GALNT9: variants seen among roughly 807,000 people sequenced by gnomAD.
GALNT9 encodes GalNAc transferase 9.
A neutral mutation model predicts 63.1 loss-of-function variants in GALNT9; 47 were observed. The ratio of observed to expected loss-of-function variants is 0.75; its 90% CI spans 0.59 to 0.95. GALNT9 has a LOEUF of 0.95. Among genes scored for constraint, GALNT9 ranks in the 40% least tolerant of loss-of-function variants. The probability of loss-of-function intolerance (pLI) is 0.00; values close to 1 mark genes in which losing one functional copy is unlikely to be tolerated. For missense variants in GALNT9, 829 were observed against 874.8 expected (o/e 0.95, Z 0.66); for synonymous variants, 396 against 365.7 (o/e 1.08, Z -0.94).
rs947066968 is a variant in GALNT9 at position 132,228,336 on chromosome 12, G to A, written c.1077+19574C>T. Among the ~76,000 whole-genome samples, 6 of 148,534 alleles carry A rather than the reference G, an allele frequency of 4.0e-5. No homozygotes were observed. In the East Asian group the frequency reaches 7.8e-4, roughly 19 times the overall value. On this transcript the variant is annotated intron_variant, in intron 6 of 10. Coordinates refer to ENST00000328957, the MANE Select transcript of GALNT9 (RefSeq NM_001122636.2). ...TTTCCCTGAGTGTGGGTGGCGGGGC[G>A]GCCCGTCAGCACCTCCTCGCTCCCT...
rs942130783 is a variant in GALNT9 at position 132,327,571 on chromosome 12, G to A, written c.238+1395C>T. On this transcript the variant is annotated intron_variant, in intron 1 of 10. Transcript: ENST00000328957. The surrounding 1 kb of genome is among the most constrained non-coding windows in gnomAD (Gnocchi z 4.3). ...TTCAATAGAGCCATGTGCTATTGCC[G>A]GGCACACCGCCTTCCGGGAGATGAA... 3.8e-4 allele frequency among the ~76,000 whole-genome samples: 58 copies of A among 152,144 alleles called. No homozygotes were observed. Among genetic ancestry groups the A allele is most frequent in the African/African-American group, 1.4e-3 (56 of 41,434 alleles).
chr12:132,199,529 G>T (rs911647224), intron 8 of GALNT9, among the ~76,000 whole-genome samples: 1 of 152,116 alleles, frequency 6.6e-6, no homozygotes, highest in Non-Finnish European at 1.5e-5. Context: ...GAGCAGCAGG[G>T]ACGACGGCCC....
chr12:132,225,069 C>CA (rs1877599107), intron 6 of GALNT9, among the ~76,000 whole-genome samples: 1 of 126,370 alleles, frequency 7.9e-6, no homozygotes, highest in Non-Finnish European at 1.7e-5. Flanking sequence ...CACCACCCCC[C>CA]CACACACAAC....
intron 6 of GALNT9, among the ~76,000 whole-genome samples, chr12:132,204,788 G>A (rs907172336): frequency 5.3e-5 from 8 of 152,058 alleles, no homozygotes; most frequent in Non-Finnish European, 1.2e-4. Flanking sequence ...AAAAAAGGCC[G>A]ATGCCACCCA....
intron 1 of GALNT9, among the ~76,000 whole-genome samples, chr12:132,287,400 C>T (rs1179774445): frequency 6.6e-6 from 1 of 152,214 alleles, no homozygotes; most frequent in Non-Finnish European, 1.5e-5. Flanking sequence ...ATGCCGCCGC[C>T]ACCATCCCCA....
In GALNT9 at chr12:132,316,191, G is replaced by T. The variant is rs1169498094; in HGVS notation, c.238+12775C>A. Among the ~76,000 whole-genome samples the T allele has an allele frequency of 1.3e-5, 2 of 152,188 alleles. No homozygotes were observed. The highest frequency in any genetic ancestry group is 4.8e-5 in the African/African-American group (2 of 41,528). The stretch of plus-strand genomic sequence containing the variant: ...GACCCCAGCGTCCCAGTCCAGGCTC[G>T]GCTCTCCAGCAGAGGCATGAAGCTG... On this transcript the variant is annotated intron_variant, in intron 1 of 10. Coordinates refer to ENST00000328957, the MANE Select transcript of GALNT9 (RefSeq NM_001122636.2). The surrounding 1 kb of genome is among the most constrained non-coding windows in gnomAD (Gnocchi z 4.3).
rs550311318 is a variant in GALNT9 at position 132,316,367 on chromosome 12, T to G, written c.238+12599A>C. On this transcript the variant is annotated intron_variant, in intron 1 of 10. Coordinates refer to ENST00000328957, the MANE Select transcript of GALNT9 (RefSeq NM_001122636.2). This position sits in a 1 kb window ranked among gnomAD's most constrained non-coding sequence, Gnocchi z 4.3. ...CCCCTATTCTGGGAGGAAACAGAGA[T>G]CCCCTATAACCGAGCATATACTTCC... Among the ~76,000 whole-genome samples the G allele has an allele frequency of 1.3e-5, 2 of 152,118 alleles. No homozygotes were observed. The highest frequency in any genetic ancestry group is 4.2e-4 in the South Asian group (2 of 4,818).
At chr12:132,206,487 AAAT>A (rs1684418690) in intron 6 of GALNT9, among the ~76,000 whole-genome samples, 1 of 152,136 alleles carries the variant, frequency 6.6e-6, no homozygotes, top group African/African-American at 2.4e-5. Context: ...TGTCTACTAA[AAAT>A]ACAAAAATTA....
intron 1 of GALNT9, among the ~76,000 whole-genome samples, chr12:132,302,121 TTTAGA>T (rs1325608260): frequency 1.3e-5 from 2 of 152,064 alleles, no homozygotes; most frequent in African/African-American, 4.8e-5. Context: ...TTCCAGAAGG[TTTAGA>T]TTAGTTTTGT....
chr12:132,288,522 G>A (rs1880688129), intron 1 of GALNT9, among the ~76,000 whole-genome samples: 1 of 152,274 alleles, frequency 6.6e-6, no homozygotes, highest in African/African-American at 2.4e-5. Flanking sequence ...TAACTCGAGA[G>A]AGAGAGACAC....
chr12:132,217,653 C>T (rs1297212247), intron 6 of GALNT9, among the ~76,000 whole-genome samples: 2 of 151,152 alleles, frequency 1.3e-5, no homozygotes, highest in Non-Finnish European at 2.9e-5. Flanking sequence ...ACCCACTCAT[C>T]CATCCATTCC....
chr12:132,213,482 A>ACACCCACAGT lies in GALNT9; in HGVS notation c.1078-9793_1078-9792insACTGTGGGTG, dbSNP rs1246333860. ...CCCACACACAGGCACACTCACACCC[A>ACACCCACAGT]CACACACGCACTCCACTCACACACA... is the stretch of plus-strand genomic sequence containing the variant. On this transcript the variant is annotated intron_variant, in intron 6 of 10. Coordinates refer to ENST00000328957, the MANE Select transcript of GALNT9 (RefSeq NM_001122636.2). 4.0e-5 allele frequency among the ~76,000 whole-genome samples: 6 copies of ACACCCACAGT among 151,638 alleles called. No individual in the cohort carries two copies. The South Asian group carries it at 1.0e-3, about 26-fold the overall frequency.
At chr12:132,204,426 C>A (rs866776714) in intron 6 of GALNT9, among the ~76,000 whole-genome samples, 1 of 152,146 alleles carries the variant, frequency 6.6e-6, no homozygotes, top group Admixed American at 6.5e-5. Flanking sequence ...TGTGCATGGC[C>A]TCTGGTGGGA....
Position 132,311,455 on chromosome 12 carries a change from G to C in GALNT9, c.238+17511C>G, listed in dbSNP as rs1593120659. On this transcript the variant is annotated intron_variant, in intron 1 of 10. Coordinates refer to ENST00000328957, the MANE Select transcript of GALNT9 (RefSeq NM_001122636.2). ...AGGCAGCCCCCAGGAGCCTAGAGGA[G>C]CAAACAACCCTCTCCAGAGGGGAGT... Among the ~76,000 whole-genome samples the C allele has an allele frequency of 2.0e-5, 3 of 152,194 alleles. No individual in the cohort carries two copies. The South Asian group carries it at 6.2e-4, about 31-fold the overall frequency.
At chr12:132,243,372 A>G (rs880000282) in intron 6 of GALNT9, among the ~76,000 whole-genome samples, 1 of 148,784 alleles carries the variant, frequency 6.7e-6, no homozygotes, top group Non-Finnish European at 1.5e-5. Context: ...CTCAGTGTCC[A>G]GTCCTCCCCG....
At chr12:132,283,117 C>T (rs1381170687) in intron 2 of GALNT9, 7 of 152,518 alleles carry the variant, frequency 4.6e-5, no homozygotes, top group African/African-American at 1.7e-4. Flanking sequence ...CGACTGGACC[C>T]CACAACGCAC....
intron 7 of GALNT9, among the ~76,000 whole-genome samples, chr12:132,201,499 A>G (rs1876111670): frequency 6.6e-6 from 1 of 152,158 alleles, no homozygotes; most frequent in Non-Finnish European, 1.5e-5. Context: ...CCCGGCCTGG[A>G]CAGACGGCCC....
chr12:132,222,901 CCACACCCCACA>C (rs1877510493), intron 6 of GALNT9, among the ~76,000 whole-genome samples: 5 of 120,290 alleles, frequency 4.2e-5, no homozygotes, highest in African/African-American at 1.6e-4. Context: ...AACCCGCACC[CCACACCCCACA>C]TACATCCCAC....
chr12:132,260,578 C>A (rs1286490131), intron 4 of GALNT9, among the ~76,000 whole-genome samples: 2 of 152,320 alleles, frequency 1.3e-5, no homozygotes, highest in African/African-American at 4.8e-5. Flanking sequence ...CTGAGGTTCC[C>A]ACCCCGCGGG....
Sources: gnomAD v4.1 joint callset for allele counts (sites outside exome capture counted in the v4.1 genomes callset) on GRCh38, gnomAD v4.1.1 for gene constraint, Gnocchi (gnomAD v3.1) non-coding constraint, MANE v1.5 for transcripts, NCBI Gene and HGNC (gene_info 2026-07-23, HGNC 2026-07-21) for gene names.